The following EIF4EBP2 variants were observed in gnomAD, a reference collection of about 807,000 sequenced individuals.
The protein encoded by EIF4EBP2 is eukaryotic translation initiation factor 4E-binding protein 2.
A neutral mutation model predicts 10.3 loss-of-function variants in EIF4EBP2; 5 were observed. The observed-to-expected ratio is 0.48, with a 90% confidence interval of 0.25 to 1.02. EIF4EBP2 has a LOEUF of 1.02. Among genes scored for constraint, EIF4EBP2 ranks in the 50% least tolerant of loss-of-function variants. The probability of loss-of-function intolerance (pLI) is 0.15; values close to 1 mark genes in which losing one functional copy is unlikely to be tolerated. For missense variants in EIF4EBP2, 188 were observed against 162.2 expected (o/e 1.16, Z -0.86); for synonymous variants, 67 against 61.1 (o/e 1.10, Z -0.45).
rs530093412 is a variant in EIF4EBP2 at position 70,427,154 on chromosome 10, C to G, written c.*5407C>G. ...CTTCCTTCTTGGCATGTTTTCTGGA[C>G]TACATGCACATGGGCAGCTATAGAT... On this transcript the variant is annotated 3_prime_UTR_variant, in exon 3 of 3. Coordinates refer to ENST00000373218, the MANE Select transcript of EIF4EBP2 (RefSeq NM_004096.5). 1 of 152,194 alleles carries G rather than the reference C, an allele frequency of 6.6e-6. No homozygotes were observed. The highest frequency in any genetic ancestry group is 1.5e-5 in the Non-Finnish European group (1 of 68,050). The allele number at this position is 152,194 out of a possible 1,614,324, so 9.4% of individuals were successfully genotyped here. A position where few individuals can be genotyped will look rare whatever the true frequency, so the allele number is the denominator to read the frequency against.
chr10:70,406,182 A>T (rs1006793379), intron 1 of EIF4EBP2, among the ~76,000 whole-genome samples: 1 of 152,084 alleles, frequency 6.6e-6, no homozygotes, highest in African/African-American at 2.4e-5. Flanking sequence ...GGGTTTCTCC[A>T]TGTTGCCCAG....
chr10:70,404,368 C>A lies in EIF4EBP2; in HGVS notation c.-34C>A, dbSNP rs1215609590. On this transcript the variant is annotated 5_prime_UTR_variant, in exon 1 of 3. Transcript: ENST00000373218. Reference sequence around the variant, plus strand: ...CCCGGCCCCGCCGCCGCCGCCTGCCCGCCGGACAAAGCCGAGAGCCCGCGC... The same window carrying A: ...CCCGGCCCCGCCGCCGCCGCCTGCCAGCCGGACAAAGCCGAGAGCCCGCGC... 6.6e-7 allele frequency: 1 copy of A among 1,517,494 alleles called. No individual in the cohort carries two copies. The highest frequency in any genetic ancestry group is 8.8e-7 in the Non-Finnish European group (1 of 1,135,668). 94.0% of individuals were successfully genotyped at this position (1,517,494 alleles called of 1,614,324 possible). A position where few individuals can be genotyped will look rare whatever the true frequency, so the allele number is the denominator to read the frequency against.
In EIF4EBP2 at chr10:70,419,934, A is replaced by G; in HGVS notation, c.166A>G (p.Arg56Gly). The change falls in exon 2 of 3, where the codon AGA (arginine) becomes GGA (glycine). Residue 56 changes from arginine (R) to glycine (G), a missense_variant. Physicochemically the swap from Arg to Gly is moderately radical, Grantham distance 125. Coordinates refer to ENST00000373218, the MANE Select transcript of EIF4EBP2 (RefSeq NM_004096.5). ...TCCAGGAACTCGAATCATTTATGAC[A>G]GAAAGTTTCTGTTGGATCGTCGCAA... ...TPGGTRIIYD[R>G]KFLLDRRNSP... The G allele has an allele frequency of 6.3e-7, 1 of 1,587,146 alleles. No individual in the cohort carries two copies. The highest frequency in any genetic ancestry group is 8.5e-7 in the Non-Finnish European group (1 of 1,170,496).
At chr10:70,415,884 A>C (rs965961944) in intron 1 of EIF4EBP2, among the ~76,000 whole-genome samples, 14 of 152,178 alleles carry the variant, frequency 9.2e-5, no homozygotes, top group African/African-American at 3.1e-4. Context: ...AAAAAAAAAA[A>C]AACATACATT....
At chr10:70,416,809 C>A (rs1169749547) in intron 1 of EIF4EBP2, among the ~76,000 whole-genome samples, 32 of 151,782 alleles carry the variant, frequency 2.1e-4, no homozygotes, top group Admixed American at 1.9e-3. Flanking sequence ...GGACTATAGG[C>A]ATGCAACACC....
In EIF4EBP2 at chr10:70,422,026, G is replaced by T. The variant is rs1845162502; in HGVS notation, c.*279G>T. On this transcript the variant is annotated 3_prime_UTR_variant, in exon 3 of 3. Transcript: ENST00000373218. ...GCTAAGCAGCCCTTAGAGGAAAACA[G>T]TTCAACTCTGACTTTCCTAGTTGTT... 1 of 419,200 alleles carries T rather than the reference G, an allele frequency of 2.4e-6. No individual in the cohort carries two copies. Among genetic ancestry groups the T allele is most frequent in the African/African-American group, 2.0e-5 (1 of 50,868 alleles). The allele number at this position is 419,200 out of a possible 1,614,324, so 26.0% of individuals were successfully genotyped here. A position where few individuals can be genotyped will look rare whatever the true frequency, so the allele number is the denominator to read the frequency against.
chr10:70,410,577 C>T (rs2137225641), intron 1 of EIF4EBP2, among the ~76,000 whole-genome samples: 1 of 152,350 alleles, frequency 6.6e-6, no homozygotes, highest in South Asian at 2.1e-4. Context: ...ATGTTTAAAA[C>T]TGAAGTTCAT....
chr10:70,417,129 G>A (rs975212035), intron 1 of EIF4EBP2, among the ~76,000 whole-genome samples: 4 of 152,240 alleles, frequency 2.6e-5, no homozygotes, highest in South Asian at 2.1e-4. Flanking sequence ...AATTGATAAG[G>A]TGCGATATAT....
rs1364829037 is a variant in EIF4EBP2 at position 70,427,636 on chromosome 10, G to A, written c.*5889G>A. The stretch of plus-strand genomic sequence containing the variant: ...GAGAAGGCTTGAGTCCCTGTTCAGC[G>A]GGTCTGTGGATTCTCTTTGCTTATG... On this transcript the variant is annotated 3_prime_UTR_variant, in exon 3 of 3. Coordinates refer to ENST00000373218, the MANE Select transcript of EIF4EBP2 (RefSeq NM_004096.5). The A allele has an allele frequency of 2.0e-5, 3 of 152,126 alleles. No individual in the cohort carries two copies. The highest frequency in any genetic ancestry group is 1.9e-4 in the East Asian group (1 of 5,198). 9.4% of individuals were successfully genotyped at this position (152,126 alleles called of 1,614,324 possible).
Position 70,426,255 on chromosome 10 carries a change from T to C in EIF4EBP2, c.*4508T>C, listed in dbSNP as rs578014614. Reference sequence around the variant, plus strand: ...ACCTTAAAGATGCAATATCTTTTTCTTTCTTTCTTTCTTTCTTTTTTTCTG... The same window carrying C: ...ACCTTAAAGATGCAATATCTTTTTCCTTCTTTCTTTCTTTCTTTTTTTCTG... On this transcript the variant is annotated 3_prime_UTR_variant, in exon 3 of 3. Coordinates refer to ENST00000373218, the MANE Select transcript of EIF4EBP2 (RefSeq NM_004096.5). 2.6e-5 allele frequency: 4 copies of C among 152,202 alleles called. No homozygotes were observed. In the South Asian group the frequency reaches 8.3e-4, roughly 32 times the overall value. 9.4% of individuals were successfully genotyped at this position (152,202 alleles called of 1,614,324 possible).
rs1845188632 is a variant in EIF4EBP2 at position 70,424,538 on chromosome 10, G to A, written c.*2791G>A. ...TCCATTGAGTGGTTTACCTCTGCAT[G>A]TTTGGAGGGAACCTCACAGATGAAA... On this transcript the variant is annotated 3_prime_UTR_variant, in exon 3 of 3. Transcript: ENST00000373218. The A allele has an allele frequency of 6.6e-6, 1 of 152,234 alleles. No homozygotes were observed. Among genetic ancestry groups the A allele is most frequent in the Admixed American group, 6.5e-5 (1 of 15,280 alleles). 9.4% of individuals were successfully genotyped at this position (152,234 alleles called of 1,614,324 possible).
Position 70,427,711 on chromosome 10 carries a change from A to C in EIF4EBP2, c.*5964A>C, listed in dbSNP as rs1845217812. ...ACCATACTGTATGTCATGGATACCC[A>C]GTGGAAATATTACTGAGATGAAACA... On this transcript the variant is annotated 3_prime_UTR_variant, in exon 3 of 3. Transcript: ENST00000373218. The C allele has an allele frequency of 6.6e-6, 1 of 152,164 alleles. No homozygotes were observed. Among genetic ancestry groups the C allele is most frequent in the African/African-American group, 2.4e-5 (1 of 41,434 alleles). 9.4% of individuals were successfully genotyped at this position (152,164 alleles called of 1,614,324 possible). A position where few individuals can be genotyped will look rare whatever the true frequency, so the allele number is the denominator to read the frequency against.
chr10:70,412,095 T>C (rs1845051749), intron 1 of EIF4EBP2, among the ~76,000 whole-genome samples: 1 of 152,158 alleles, frequency 6.6e-6, no homozygotes, highest in African/African-American at 2.4e-5. Flanking sequence ...GTGTTTGGTC[T>C]GGTGGGCATC....
rs1334654878 is a variant in EIF4EBP2, at chr10:70,425,781, TG to T, written c.*4038del. The T allele has an allele frequency of 3.3e-5, 5 of 152,220 alleles. No individual in the cohort carries two copies. The highest frequency in any genetic ancestry group is 1.2e-4 in the African/African-American group (5 of 41,448). 9.4% of individuals were successfully genotyped at this position (152,220 alleles called of 1,614,324 possible). A position where few individuals can be genotyped will look rare whatever the true frequency, so the allele number is the denominator to read the frequency against. On this transcript the variant is annotated 3_prime_UTR_variant, in exon 3 of 3. Transcript: ENST00000373218. ...GCCACTAAACCTGTCTTATTTGGAA[TG>T]GGGATTGTCCAGCAAAGGGAGCAAA...
intron 1 of EIF4EBP2, among the ~76,000 whole-genome samples, chr10:70,416,143 A>C (rs964261084): frequency 2.0e-5 from 3 of 152,238 alleles, no homozygotes; most frequent in African/African-American, 7.2e-5. Flanking sequence ...TGTTCAACAT[A>C]ATTAGCCATC....
rs1844946531 is a variant in EIF4EBP2, at chr10:70,404,433, C to G, written c.32C>G (p.Pro11Arg). The G allele has an allele frequency of 6.3e-7, 1 of 1,592,988 alleles. No homozygotes were observed. The highest frequency in any genetic ancestry group is 1.7e-5 in the Admixed American group (1 of 58,932). Residue 11 changes from proline to arginine, a missense_variant, in exon 1 of 3, where the codon CCC becomes CGC. Pro to Arg is a moderately radical substitution (Grantham distance 103). Transcript: ENST00000373218. MSSSAGSGHQ[P>R]SQSRAIPTRT... is the part of the protein sequence containing the mutation. ...TCGTCAGCCGGCAGCGGCCACCAGCCCAGCCAGAGCCGCGCCATCCCCACC... is the reference window on the plus strand; with the variant it reads ...TCGTCAGCCGGCAGCGGCCACCAGCGCAGCCAGAGCCGCGCCATCCCCACC...
At chr10:70,411,145 A>G (rs1330843370) in intron 1 of EIF4EBP2, among the ~76,000 whole-genome samples, 1 of 152,168 alleles carries the variant, frequency 6.6e-6, no homozygotes, top group Non-Finnish European at 1.5e-5. Context: ...CTTGTTTTGC[A>G]ACCATCACCA....
At chr10:70,406,942 G>GA (rs1170454390) in intron 1 of EIF4EBP2, among the ~76,000 whole-genome samples, 2 of 152,116 alleles carry the variant, frequency 1.3e-5, no homozygotes, top group Admixed American at 6.5e-5. Flanking sequence ...CTGTAGCCTA[G>GA]GCTGGAGTGC....
rs755218196 is a variant in EIF4EBP2 at position 70,426,021 on chromosome 10, G to C, written c.*4274G>C. On this transcript the variant is annotated 3_prime_UTR_variant, in exon 3 of 3. Coordinates refer to ENST00000373218, the MANE Select transcript of EIF4EBP2 (RefSeq NM_004096.5). ...CTGAGAATTACAAATGTCTATGCTT[G>C]ATTGCTCCTCTAAATCCAGTGCATA... The C allele has an allele frequency of 5.9e-5, 9 of 152,330 alleles. No individual in the cohort carries two copies. Among genetic ancestry groups the C allele is most frequent in the Admixed American group, 2.0e-4 (3 of 15,308 alleles). 9.4% of individuals were successfully genotyped at this position (152,330 alleles called of 1,614,324 possible).
Sources: gnomAD v4.1 joint callset for allele counts (sites outside exome capture counted in the v4.1 genomes callset) on GRCh38, gnomAD v4.1.1 for gene constraint, MANE v1.5 for transcripts, NCBI Gene and HGNC (gene_info 2026-07-23, HGNC 2026-07-21) for gene names.